The following DMBT1 variants were observed in gnomAD, a reference collection of about 807,000 sequenced individuals.
The protein encoded by DMBT1 is deleted in malignant brain tumors 1, also known as scavenger receptor cysteine-rich domain-containing protein DMBT1.
Under a neutral mutation model 252.9 loss-of-function variants are expected in DMBT1, and 198 were observed. That is an observed-to-expected ratio of 0.78 (90% CI 0.70 to 0.88). DMBT1 has a LOEUF of 0.88. DMBT1 is among the 40% of genes least tolerant of loss of function. The pLI is 0.00. For synonymous variants in DMBT1, 990 were observed against 942.7 expected, an observed-to-expected ratio of 1.05 and a Z score of -0.92; for missense variants, 2,432 against 2,404.7, an observed-to-expected ratio of 1.01 and a Z score of -0.24.
intron 25 of DMBT1, among the ~76,000 whole-genome samples, chr10:122,598,443 T>C (rs1487935440): frequency 6.6e-6 from 1 of 152,060 alleles, no homozygotes; most frequent in Non-Finnish European, 1.5e-5. Context: ...GCCACCAAGC[T>C]CCTGAGATGG....
At chr10:122,578,265 G>A (rs192248736) in intron 8 of DMBT1, among the ~76,000 whole-genome samples, 7 of 152,296 alleles carry the variant, frequency 4.6e-5, no homozygotes, top group African/African-American at 1.2e-4. Context: ...GCAGGGCCAC[G>A]TCTGCATTCA....
At chr10:122,566,511 C>T (rs1392537901) in intron 2 of DMBT1, among the ~76,000 whole-genome samples, 1 of 151,964 alleles carries the variant, frequency 6.6e-6, no homozygotes, top group Non-Finnish European at 1.5e-5. Context: ...GGGGTTTCAC[C>T]ATGTTGGCCA....
chr10:122,569,402 G>A (rs2097639679), intron 2 of DMBT1, among the ~76,000 whole-genome samples: 1 of 152,220 alleles, frequency 6.6e-6, no homozygotes, highest in African/African-American at 2.4e-5. Context: ...CAATGGAAAA[G>A]AGAACTTCTC....
chr10:122,633,386 T>C (rs1316502696), intron 52 of DMBT1, 45 bp downstream of exon 52: 1 of 1,608,488 alleles, frequency 6.2e-7, no homozygotes, highest in Non-Finnish European at 8.5e-7. Flanking sequence ...CACAGACCTT[T>C]CAAGAGGGAA....
At chr10:122,619,805 C>G (rs1473289334) in intron 42 of DMBT1, among the ~76,000 whole-genome samples, 1 of 152,210 alleles carries the variant, frequency 6.6e-6, no homozygotes, top group East Asian at 1.9e-4. Flanking sequence ...TTTGCAAGGC[C>G]ATATCTGCAT....
intron 1 of DMBT1, among the ~76,000 whole-genome samples, chr10:122,565,032 T>C (rs1430990719): frequency 2.4e-5 from 2 of 81,964 alleles, no homozygotes; most frequent in African/African-American, 3.7e-5. Flanking sequence ...GTGTCTCCAA[T>C]CTTAAAAAAA....
rs775479889 is a variant in DMBT1 at position 122,643,404 on chromosome 10, C to A, written c.*6C>A. ...GAGAAGAGGAGCCTCGGTAGGTGGTCGCTCTCAGACCCCACTGTCCACCGG... is the reference window on the plus strand; with the variant it reads ...GAGAAGAGGAGCCTCGGTAGGTGGTAGCTCTCAGACCCCACTGTCCACCGG... On this transcript the variant is annotated 3_prime_UTR_variant, in exon 56 of 56. Transcript: ENST00000338354. The A allele has an allele frequency of 3.1e-6, 5 of 1,607,714 alleles. No individual in the cohort carries two copies. The highest frequency in any genetic ancestry group is 2.2e-5 in the East Asian group (1 of 44,598).
In DMBT1 at chr10:122,601,010, TG is replaced by T. The variant is rs1275674885; in HGVS notation, c.3331del (p.Ala1111HisfsTer12). The T allele has an allele frequency of 1.0e-6, 1 of 962,624 alleles. No individual in the cohort carries two copies. Among genetic ancestry groups the T allele is most frequent in the Admixed American group, 1.9e-5 (1 of 52,722 alleles). 59.6% of individuals were successfully genotyped at this position (962,624 alleles called of 1,614,324 possible). ...TTACAGACACTTGGCCAACCTCACA[TG>T]CATCAACAGCAGGTAAATAATCCTC... Reference protein sequence around the residue: ...PSPDTWPTSHASTAGSESSLA... With the variant: ...PSPDTWPTSHXSTAGSESSLA... On this transcript the variant is annotated frameshift_variant, in exon 28 of 56. Coordinates refer to ENST00000338354, the MANE Select transcript of DMBT1 (RefSeq NM_001377530.1). LOFTEE classifies it high-confidence loss of function.
chr10:122,573,077 C>A (rs999633038), intron 5 of DMBT1, among the ~76,000 whole-genome samples: 1 of 152,086 alleles, frequency 6.6e-6, no homozygotes. Context: ...GGACACTGTC[C>A]CATGGCGTGA....
intron 17 of DMBT1, among the ~76,000 whole-genome samples, chr10:122,589,890 C>T (rs2097832825): frequency 6.7e-6 from 1 of 148,502 alleles, no homozygotes; most frequent in African/African-American, 2.4e-5. Flanking sequence ...GCACATCAGG[C>T]CTCACCTCTA....
At chr10:122,591,334 G>C in intron 18 of DMBT1, 145 bp from the exon 19 acceptor site, 1 of 948,426 alleles carries the variant, frequency 1.1e-6, no homozygotes, top group Non-Finnish European at 1.7e-6. Context: ...CTGAGCTACA[G>C]ACTTGGGCAG....
intron 14 of DMBT1, among the ~76,000 whole-genome samples, chr10:122,584,866 G>A (rs2097776387): frequency 6.7e-6 from 1 of 149,176 alleles, no homozygotes; most frequent in African/African-American, 2.4e-5. Flanking sequence ...CAGGGAGAGG[G>A]ATAATAAATA....
rs1157295521 is a variant in DMBT1, at chr10:122,592,375, C to T, written c.2280C>T (p.Asp760=). Residue 760 remains aspartate (D), a synonymous_variant, in exon 20 of 56, where the codon GAC becomes GAT. Coordinates refer to ENST00000338354, the MANE Select transcript of DMBT1 (RefSeq NM_001377530.1). ...YRGSWGTVCD[D]SWDTNDANVV... ...GCTCCTGGGGCACCGTGTGTGATGACAGCTGGGATACCAATGATGCCAATG... is the reference window on the plus strand; with the variant it reads ...GCTCCTGGGGCACCGTGTGTGATGATAGCTGGGATACCAATGATGCCAATG... 3 of 1,588,524 alleles carry T rather than the reference C, an allele frequency of 1.9e-6. No individual in the cohort carries two copies. The Admixed American group carries it at 5.0e-5, about 27-fold the overall frequency.
intron 7 of DMBT1, among the ~76,000 whole-genome samples, 200 bp from the exon 8 acceptor site, chr10:122,577,611 A>G (rs1304312395): frequency 6.6e-6 from 1 of 152,134 alleles, no homozygotes; most frequent in Non-Finnish European, 1.5e-5. Flanking sequence ...AGAGTGAGCC[A>G]CAGGCACAGA....
chr10:122,601,156 A>G (rs2097952315), intron 28 of DMBT1, 133 bp downstream of exon 28: 2 of 406,124 alleles, frequency 4.9e-6, no homozygotes, highest in Non-Finnish European at 8.3e-6. Context: ...AGGAAGGTGG[A>G]ATCTCTGAGG....
At chr10:122,563,419 A>G (rs1199806958) in intron 1 of DMBT1, among the ~76,000 whole-genome samples, 1 of 152,194 alleles carries the variant, frequency 6.6e-6, no homozygotes, top group African/African-American at 2.4e-5. Flanking sequence ...ATCCTGCAAC[A>G]GAAAATGAAA....
At chr10:122,637,831 T>A (rs80303059) in intron 54 of DMBT1, among the ~76,000 whole-genome samples, 9 of 152,158 alleles carry the variant, frequency 5.9e-5, no homozygotes, top group Non-Finnish European at 5.9e-5. Context: ...ATTAGCTCCA[T>A]AGTCAGCTGG....
In DMBT1 at chr10:122,619,222, C is replaced by T. The variant is rs2098036268; in HGVS notation, c.5216-86C>T. ...GGACTAGGATGGACTGAGTGTCAGG[C>T]TTGCCCAGTTCCTTCTATCTTTGTT... is the stretch of plus-strand genomic sequence containing the variant. On this transcript the variant is annotated intron_variant, in intron 41 of 55. Transcript: ENST00000338354. The T allele has an allele frequency of 1.9e-6, 3 of 1,554,172 alleles. No individual in the cohort carries two copies. The South Asian group carries it at 3.3e-5, about 17-fold the overall frequency.
intron 40 of DMBT1, among the ~76,000 whole-genome samples, chr10:122,617,666 A>T (rs765190428): frequency 3.3e-5 from 5 of 151,662 alleles, no homozygotes; most frequent in African/African-American, 4.9e-5. Flanking sequence ...AGAGAGGACC[A>T]TGTGGATGCC....
Sources: gnomAD v4.1 joint callset for allele counts (sites outside exome capture counted in the v4.1 genomes callset) on GRCh38, gnomAD v4.1.1 for gene constraint, MANE v1.5 for transcripts, NCBI Gene and HGNC (gene_info 2026-07-23, HGNC 2026-07-21) for gene names.